The following GOSR2 variants were observed in gnomAD, a reference collection of about 807,000 sequenced individuals.
GOSR2 encodes the protein 27 kDa Golgi SNARE protein.
GOSR2 carries 20 observed loss-of-function variants against 27.9 expected under a neutral mutation model. The observed-to-expected ratio is 0.72, with a 90% CI of 0.50 to 1.04. The LOEUF (loss-of-function observed/expected upper bound fraction) is 1.04, where lower values mean the gene tolerates loss of function less well. GOSR2 is among the 50% of genes least tolerant of loss of function. The pLI is 0.00. For missense variants in GOSR2, 261 were observed against 270.5 expected (o/e 0.97, Z 0.25); for synonymous variants, 91 against 98.8 (o/e 0.92, Z 0.47).
chr17:46,942,987 T>C, downstream of GOSR2, among the ~76,000 whole-genome samples: 1 of 152,158 alleles, frequency 6.6e-6, no homozygotes, highest in East Asian at 1.9e-4. Flanking sequence ...GCATTGGAAT[T>C]CCCTCGGGAG....
intron 5 of GOSR2, chr17:46,936,357 A>G (rs2088349556): frequency 1.0e-6 from 1 of 985,148 alleles, no homozygotes; most frequent in Admixed American, 6.2e-5. Context: ...CTAACTTCCC[A>G]CTCAAGTCTG....
chr17:46,943,619 C>T (rs569434912), downstream of GOSR2, among the ~76,000 whole-genome samples: 9 of 152,298 alleles, frequency 5.9e-5, no homozygotes, highest in East Asian at 3.9e-4. Flanking sequence ...ACGTAGTAGG[C>T]GCAGGCGCCA....
In GOSR2 at chr17:46,940,393, G is replaced by A; in HGVS notation, c.*1633G>A. The A allele has an allele frequency of 1.3e-6, 2 of 1,553,760 alleles. No individual in the cohort carries two copies. The highest frequency in any genetic ancestry group is 1.7e-6 in the Non-Finnish European group (2 of 1,154,606). On this transcript the variant is annotated 3_prime_UTR_variant, in exon 6 of 6. Transcript: ENST00000640051. ...CAGTGACTGGAGGGTGGACTGGGGGGTTGCAGCATCTTTAGACCTAGATCT... is the reference window on the plus strand; with the variant it reads ...CAGTGACTGGAGGGTGGACTGGGGGATTGCAGCATCTTTAGACCTAGATCT...
chr17:46,937,447 A>G (rs2088584261), intron 5 of GOSR2: 1 of 152,244 alleles, frequency 6.6e-6, no homozygotes, highest in South Asian at 2.1e-4. Context: ...TTGTTGAGAT[A>G]TAATTTACAG....
intron 5 of GOSR2, among the ~76,000 whole-genome samples, chr17:46,938,235 A>T (rs575413556): frequency 1.3e-5 from 2 of 152,092 alleles, no homozygotes; most frequent in African/African-American, 2.4e-5. Context: ...TTTTATGTTT[A>T]ATTCTATGAA....
chr17:46,940,876 T>C lies in GOSR2; in HGVS notation c.*2116T>C. 1 of 1,412,136 alleles carries C rather than the reference T, an allele frequency of 7.1e-7. No homozygotes were observed. Among genetic ancestry groups the C allele is most frequent in the South Asian group, 1.5e-5 (1 of 67,264 alleles). The allele number at this position is 1,412,136 out of a possible 1,614,324, so 87.5% of individuals were successfully genotyped here. On this transcript the variant is annotated 3_prime_UTR_variant, in exon 6 of 6. Transcript: ENST00000640051. ...CCAGGGGCATTGAGACTGCATGTTG[T>C]CACATGACCACTTCTCTTCACACAT...
At chr17:46,938,497 AAG>A in intron 5 of GOSR2, 100 bp from the exon 6 acceptor site, 1 of 1,581,446 alleles carries the variant, frequency 6.3e-7, no homozygotes, top group Non-Finnish European at 8.6e-7. Context: ...GGGCATGACC[AAG>A]AGAATGTCTG....
In GOSR2 at chr17:46,923,219, C is replaced by T. The variant is rs980056593; in HGVS notation, c.27C>T (p.His9=). MDPLFQQT[H]KQVHEIQSCM... Reference sequence around the variant, plus strand: ...TGGATCCCCTGTTCCAGCAAACGCACAAGTGAGGGCCGGTCGGGGAGCGGG... The same window carrying T: ...TGGATCCCCTGTTCCAGCAAACGCATAAGTGAGGGCCGGTCGGGGAGCGGG... Residue 9 remains histidine, a splice_region_variant and synonymous_variant, in exon 1 of 6, where the codon CAC becomes CAT. Coordinates refer to ENST00000640051, the MANE Select transcript of GOSR2 (RefSeq NM_004287.5). 2 of 1,550,798 alleles carry T rather than the reference C, an allele frequency of 1.3e-6. No homozygotes were observed. The highest frequency in any genetic ancestry group is 4.9e-5 in the East Asian group (2 of 40,918).
chr17:46,935,235 C>A, intron 5 of GOSR2, 66 bp downstream of exon 5: 1 of 1,611,574 alleles, frequency 6.2e-7, no homozygotes, highest in Non-Finnish European at 8.5e-7. Context: ...AGTTTAGTAA[C>A]TGTGTTTATA....
chr17:46,947,680 G>T (rs1369438427), intron 6 of GOSR2, among the ~76,000 whole-genome samples: 1 of 152,232 alleles, frequency 6.6e-6, no homozygotes, highest in African/African-American at 2.4e-5. Flanking sequence ...CCAAACCTCA[G>T]CGTCCTGTCT....
chr17:46,925,017 T>G (rs2086276041), intron 1 of GOSR2, among the ~76,000 whole-genome samples: 1 of 152,206 alleles, frequency 6.6e-6, no homozygotes, highest in African/African-American at 2.4e-5. Context: ...CAGAGAAAAC[T>G]GCATGGCTCA....
intron 1 of GOSR2, among the ~76,000 whole-genome samples, chr17:46,927,960 C>G (rs923799618): frequency 6.6e-6 from 1 of 152,128 alleles, no homozygotes; most frequent in East Asian, 1.9e-4. Flanking sequence ...TCCTTAGAGT[C>G]CTAATTCTCC....
chr17:46,964,026 T>C (rs2091208875), intron 6 of GOSR2: 1 of 152,236 alleles, frequency 6.6e-6, no homozygotes, highest in African/African-American at 2.4e-5. Flanking sequence ...TTGCCCAGGC[T>C]GATCTCAAAC....
chr17:46,972,233 C>A lies in GOSR2; in HGVS notation c.616-2966C>A, dbSNP rs139429117. On this transcript the variant is annotated intron_variant, in intron 6 of 6. Transcript: ENST00000640723. ...TTCCTGCTTTGCTTCTCCCGCCACC[C>A]GCTTCTTCCTCCTCTCTTCCCTTCT... 6.2e-4 allele frequency among the ~76,000 whole-genome samples: 95 copies of A among 152,320 alleles called. 1 individual carries two copies. The highest frequency in any genetic ancestry group is 1.8e-3 in the Admixed American group (28 of 15,310).
At chr17:46,968,403 A>G (rs1046446531), downstream of GOSR2, among the ~76,000 whole-genome samples, 6 of 152,200 alleles carry the variant, frequency 3.9e-5, no homozygotes, top group Admixed American at 1.3e-4. Flanking sequence ...TGTGTGACTC[A>G]TTCCCACGCT....
At position 46,938,663 on chromosome 17, in the gene GOSR2, T is replaced by C; in HGVS notation, c.542T>C (p.Leu181Pro). The change falls in exon 6 of 6, where the codon CTC becomes CCC. Residue 181 changes from leucine to proline, a missense_variant. Transcript: ENST00000640051. ...MLGLSNTVMR[L>P]IEKRAFQDKY... is the part of the protein sequence containing the mutation. ...GGCTTGTCCAACACAGTGATGCGGC[T>C]CATCGAGAAGCGGGCTTTCCAGGAC... is the stretch of plus-strand genomic sequence containing the variant. 1.2e-6 allele frequency: 2 copies of C among 1,614,120 alleles called. No individual in the cohort carries two copies. The highest frequency in any genetic ancestry group is 1.7e-6 in the Non-Finnish European group (2 of 1,180,006).
Position 46,938,875 on chromosome 17 carries a change from T to C in GOSR2, c.*115T>C. 6.4e-7 allele frequency: 1 copy of C among 1,569,606 alleles called. No homozygotes were observed. On this transcript the variant is annotated 3_prime_UTR_variant, in exon 6 of 6. Transcript: ENST00000640051. The stretch of plus-strand genomic sequence containing the variant: ...TTGAAATGTTTGCCTGTCTGAACTG[T>C]GAAGACACTTGGGAGTGATTGTGGT...
At chr17:46,955,916 A>G (rs1400909867) in intron 6 of GOSR2, among the ~76,000 whole-genome samples, 2 of 152,174 alleles carry the variant, frequency 1.3e-5, no homozygotes, top group Admixed American at 1.3e-4. Context: ...CCATCAGACT[A>G]GCAACTTCCT....
intron 6 of GOSR2, among the ~76,000 whole-genome samples, chr17:46,961,211 CAG>C (rs944032968): frequency 1.3e-5 from 2 of 151,986 alleles, no homozygotes; most frequent in African/African-American, 2.4e-5. Context: ...ACTAAAAAAA[CAG>C]AAATAATATG....
Sources: allele counts gnomAD v4.1 joint callset (sites outside exome capture counted in the v4.1 genomes callset), GRCh38; gene constraint gnomAD v4.1.1; transcripts MANE v1.5; gene names NCBI Gene and HGNC (gene_info 2026-07-23, HGNC 2026-07-21).